The following MCU variants were observed in gnomAD, a reference collection of about 807,000 sequenced individuals.
The protein encoded by MCU is mitochondrial calcium uniporter.
MCU carries 12 observed loss-of-function variants against 45.2 expected under a neutral mutation model. The observed-to-expected ratio is 0.27, with a 90% CI of 0.17 to 0.43. The LOEUF is 0.43. Among genes scored for constraint, MCU ranks in the 20% least tolerant of loss-of-function variants. The pLI is 1.00. For synonymous variants in MCU, 160 were observed against 165.1 expected (o/e 0.97, Z 0.24); for missense variants, 324 against 436.7 (o/e 0.74, Z 2.30).
chr10:72,870,080 C>T (rs1845516869), intron 5 of MCU, among the ~76,000 whole-genome samples: 1 of 152,016 alleles, frequency 6.6e-6, no homozygotes, highest in South Asian at 2.1e-4. Flanking sequence ...TTACACTTTT[C>T]TGAATGTTTA....
chr10:72,782,048 G>A (rs1736121139), intron 1 of MCU, among the ~76,000 whole-genome samples: 1 of 152,138 alleles, frequency 6.6e-6, no homozygotes, highest in African/African-American at 2.4e-5. Flanking sequence ...CAGATCATGA[G>A]TCTCTATACT....
At chr10:72,868,339 G>C (rs1845489223) in intron 4 of MCU, among the ~76,000 whole-genome samples, 1 of 151,856 alleles carries the variant, frequency 6.6e-6, no homozygotes, top group South Asian at 2.1e-4. Context: ...GCTTGAGCCC[G>C]GGAGTTCGAG....
At chr10:72,692,469 C>T in intron 1 of MCU, 168 bp downstream of exon 1, 1 of 760,760 alleles carries the variant, frequency 1.3e-6, no homozygotes. Flanking sequence ...CCTGCGGCGG[C>T]GACCAGGAAG....
intron 1 of MCU, among the ~76,000 whole-genome samples, chr10:72,732,947 A>G (rs1843195623): frequency 6.6e-6 from 1 of 152,236 alleles, no homozygotes; most frequent in Admixed American, 6.5e-5. Flanking sequence ...TGAGGTTAAC[A>G]TAATCTTTCA....
At chr10:72,721,403 C>G (rs1843019784) in intron 1 of MCU, among the ~76,000 whole-genome samples, 1 of 152,164 alleles carries the variant, frequency 6.6e-6, no homozygotes, top group African/African-American at 2.4e-5. Context: ...GTACAGCAAT[C>G]TGCTCCCCAG....
Position 72,827,662 on chromosome 10 carries a change from T to G in MCU, c.151-6697T>G, listed in dbSNP as rs545230065. 4.5e-4 allele frequency among the ~76,000 whole-genome samples: 69 copies of G among 152,312 alleles called. 1 individual carries two copies. The South Asian group carries it at 0.014, about 32-fold the overall frequency. On this transcript the variant is annotated intron_variant, in intron 1 of 7. Transcript: ENST00000373053. Reference sequence around the variant, plus strand: ...AGTCAATCTCTTATGGATATTGAAGTTTTGAGTTTATATTTCTGTAGAATA... The same window carrying G: ...AGTCAATCTCTTATGGATATTGAAGGTTTGAGTTTATATTTCTGTAGAATA...
chr10:72,720,640 A>G (rs974168131), intron 1 of MCU, among the ~76,000 whole-genome samples: 2 of 152,082 alleles, frequency 1.3e-5, no homozygotes, highest in Admixed American at 6.6e-5. Flanking sequence ...CCTGCCACAC[A>G]TTTTATACTT....
At chr10:72,863,036 A>T (rs1463333104) in intron 4 of MCU, among the ~76,000 whole-genome samples, 5 of 151,880 alleles carry the variant, frequency 3.3e-5, no homozygotes, top group African/African-American at 1.2e-4. Context: ...TTTCCCTCCT[A>T]CATGTTGCCT....
intron 1 of MCU, among the ~76,000 whole-genome samples, chr10:72,824,645 A>C (rs752060743): frequency 2.0e-5 from 3 of 152,116 alleles, no homozygotes; most frequent in Non-Finnish European, 2.9e-5. Flanking sequence ...CGAAAACAAA[A>C]CCAGCTACTT....
At chr10:72,780,184 C>T (rs1428838933) in intron 1 of MCU, among the ~76,000 whole-genome samples, 1 of 152,010 alleles carries the variant, frequency 6.6e-6, no homozygotes, top group Non-Finnish European at 1.5e-5. Context: ...CACAAAAGAC[C>T]ACATAATTTG....
At chr10:72,770,324 C>T (rs918485135) in intron 1 of MCU, among the ~76,000 whole-genome samples, 6 of 152,066 alleles carry the variant, frequency 3.9e-5, no homozygotes, top group Admixed American at 3.9e-4. Flanking sequence ...TTTTTTTCCA[C>T]TATTTTTAAA....
chr10:72,715,148 C>G, intron 1 of MCU: 1 of 984,998 alleles, frequency 1.0e-6, no homozygotes, highest in Non-Finnish European at 1.2e-6. Flanking sequence ...TGGCAAGATA[C>G]CGTTTCTACC....
chr10:72,757,315 C>G (rs1843592411), intron 1 of MCU, among the ~76,000 whole-genome samples: 1 of 152,124 alleles, frequency 6.6e-6, no homozygotes, highest in African/African-American at 2.4e-5. Context: ...GGAGATGTGA[C>G]ATTATTGTAT....
At chr10:72,803,429 A>T (rs140047357) in intron 1 of MCU, among the ~76,000 whole-genome samples, 4 of 151,950 alleles carry the variant, frequency 2.6e-5, no homozygotes, top group Admixed American at 6.6e-5. Flanking sequence ...AAAAATTCCA[A>T]ACTCAAAAAT....
chr10:72,815,078 A>G (rs1844604982), intron 1 of MCU, among the ~76,000 whole-genome samples: 1 of 152,228 alleles, frequency 6.6e-6, no homozygotes, highest in Non-Finnish European at 1.5e-5. Flanking sequence ...AGAAAATGAT[A>G]AGGGGAAACA....
At chr10:72,853,316 A>G (rs1031745059) in intron 2 of MCU, among the ~76,000 whole-genome samples, 4 of 152,222 alleles carry the variant, frequency 2.6e-5, no homozygotes, top group African/African-American at 9.7e-5. Context: ...AGATATAAAA[A>G]GAAATGCAAC....
At chr10:72,797,534 CTTT>C (rs11411848) in intron 1 of MCU, among the ~76,000 whole-genome samples, 5 of 115,692 alleles carry the variant, frequency 4.3e-5, no homozygotes, top group Non-Finnish European at 3.5e-5. Flanking sequence ...CCATAATATA[CTTT>C]TTTTTTTTTT....
At chr10:72,748,137 T>A (rs1310402644) in intron 1 of MCU, among the ~76,000 whole-genome samples, 1 of 151,078 alleles carries the variant, frequency 6.6e-6, no homozygotes, top group Non-Finnish European at 1.5e-5. Context: ...AACCTCTGCC[T>A]CCCGGGTTCA....
intron 2 of MCU, among the ~76,000 whole-genome samples, chr10:72,837,925 C>T (rs1308704308): frequency 2.0e-5 from 3 of 148,956 alleles, no homozygotes; most frequent in Non-Finnish European, 4.4e-5. Flanking sequence ...GGCGCAATCT[C>T]GGCTCACTGC....
Sources: allele counts gnomAD v4.1 joint callset (sites outside exome capture counted in the v4.1 genomes callset), GRCh38; gene constraint gnomAD v4.1.1; transcripts MANE v1.5; gene names NCBI Gene and HGNC (gene_info 2026-07-23, HGNC 2026-07-21).